The following FCHSD2 variants were observed in gnomAD, a reference collection of about 807,000 sequenced individuals.
FCHSD2 encodes the protein FCH and double SH3 domains 2.
A neutral mutation model predicts 108.1 loss-of-function variants in FCHSD2; 38 were observed. The observed-to-expected ratio is 0.35, with a 90% CI of 0.27 to 0.46. The LOEUF (loss-of-function observed/expected upper bound fraction) is 0.46, where lower values mean the gene tolerates loss of function less well. Ranked by LOEUF, FCHSD2 falls within the 20% of genes least tolerant of loss-of-function variation. The pLI, the probability that FCHSD2 is intolerant of heterozygous loss-of-function variation, is 1.00. For synonymous variants in FCHSD2, 279 were observed against 314.7 expected (o/e 0.89, Z 1.20); for missense variants, 751 against 897.8 (o/e 0.84, Z 2.09).
chr11:72,865,500 A>G (rs1321137723), intron 13 of FCHSD2, among the ~76,000 whole-genome samples: 1 of 152,134 alleles, frequency 6.6e-6, no homozygotes, highest in Admixed American at 6.5e-5. Context: ...TAGAGGAGTG[A>G]TTTCTCTGGA....
At chr11:72,952,078 C>T (rs569239313) in intron 8 of FCHSD2, among the ~76,000 whole-genome samples, 66 of 152,176 alleles carry the variant, frequency 4.3e-4, no homozygotes, top group Admixed American at 1.2e-3. Flanking sequence ...TATGTCTTAC[C>T]AAATGAAGAC....
intron 2 of FCHSD2, among the ~76,000 whole-genome samples, chr11:73,132,619 T>C (rs1042313905): frequency 3.9e-5 from 6 of 152,046 alleles, no homozygotes; most frequent in African/African-American, 1.2e-4. Context: ...GCCCAGGAGT[T>C]TGAGACCAGC....
At chr11:73,102,885 T>G (rs753369782) in intron 2 of FCHSD2, among the ~76,000 whole-genome samples, 3 of 152,244 alleles carry the variant, frequency 2.0e-5, no homozygotes, top group South Asian at 2.1e-4. Flanking sequence ...TAAGACATAC[T>G]CTTATTAAGA....
intron 5 of FCHSD2, among the ~76,000 whole-genome samples, chr11:72,999,646 G>A (rs1309472384): frequency 6.6e-6 from 1 of 152,092 alleles, no homozygotes; most frequent in Non-Finnish European, 1.5e-5. Context: ...GCCCAGGAAT[G>A]TCAGTTAAAT....
intron 13 of FCHSD2, among the ~76,000 whole-genome samples, chr11:72,862,528 A>G (rs1854622342): frequency 6.6e-6 from 1 of 152,248 alleles, no homozygotes; most frequent in Non-Finnish European, 1.5e-5. Flanking sequence ...CTGACAAAGG[A>G]TATGCAAGAT....
chr11:72,910,345 G>C (rs901774546), intron 9 of FCHSD2, among the ~76,000 whole-genome samples: 27 of 152,228 alleles, frequency 1.8e-4, no homozygotes, highest in African/African-American at 6.5e-4. Flanking sequence ...AGCGACCATC[G>C]AGAACGGGCC....
intron 8 of FCHSD2, among the ~76,000 whole-genome samples, chr11:72,927,032 T>C (rs899799198): frequency 2.6e-5 from 4 of 152,330 alleles, no homozygotes; most frequent in African/African-American, 9.6e-5. Context: ...AATCCCTACT[T>C]AATAGTAATA....
intron 8 of FCHSD2, among the ~76,000 whole-genome samples, chr11:72,926,990 C>T (rs927299664): frequency 6.6e-6 from 1 of 152,200 alleles, no homozygotes; most frequent in Non-Finnish European, 1.5e-5. Flanking sequence ...TTACTTCCAA[C>T]AGGGATTTGA....
chr11:72,855,529 T>C (rs1861406490), intron 13 of FCHSD2, among the ~76,000 whole-genome samples: 1 of 152,078 alleles, frequency 6.6e-6, no homozygotes, highest in Non-Finnish European at 1.5e-5. Flanking sequence ...TCCACAATGA[T>C]GTGAATGTAC....
intron 2 of FCHSD2, among the ~76,000 whole-genome samples, chr11:73,119,032 T>C (rs1485511429): frequency 6.6e-6 from 1 of 152,194 alleles, no homozygotes; most frequent in Non-Finnish European, 1.5e-5. Flanking sequence ...CCAGGCGCGG[T>C]GACTCACGTC....
At chr11:72,878,123 A>T (rs1287068058) in intron 12 of FCHSD2, among the ~76,000 whole-genome samples, 1 of 151,712 alleles carries the variant, frequency 6.6e-6, no homozygotes, top group Admixed American at 6.6e-5. Context: ...AGTTCAATAA[A>T]ATCCCTCTGG....
intron 3 of FCHSD2, among the ~76,000 whole-genome samples, chr11:73,066,118 C>A (rs1859286135): frequency 6.6e-6 from 1 of 152,048 alleles, no homozygotes; most frequent in South Asian, 2.1e-4. Flanking sequence ...CTACAGTAAC[C>A]AAAACAGCAT....
chr11:73,129,892 T>C (rs1461067812), intron 2 of FCHSD2, among the ~76,000 whole-genome samples: 1 of 138,998 alleles, frequency 7.2e-6, no homozygotes, highest in Non-Finnish European at 1.6e-5. Context: ...TTTTTTTTTT[T>C]GAGACAGAGT....
Position 73,140,139 on chromosome 11 carries a change from C to T in FCHSD2, c.22-11G>A, listed in dbSNP as rs1280126110. 14 of 1,449,914 alleles carry T rather than the reference C, an allele frequency of 9.7e-6. No homozygotes were observed. The South Asian group carries it at 1.6e-4, about 16-fold the overall frequency. The allele number at this position is 1,449,914 out of a possible 1,614,324, so 89.8% of individuals were successfully genotyped here. A position where few individuals can be genotyped will look rare whatever the true frequency, so the allele number is the denominator to read the frequency against. On this transcript the variant is annotated splice_polypyrimidine_tract_variant and intron_variant, in intron 1 of 19. Coordinates refer to ENST00000409418, the MANE Select transcript of FCHSD2 (RefSeq NM_014824.3). ...TTGTGTAACTTTCACCTAAAATATA[C>T]CATATATTTATGAAGGTCTTTTTAC...
At chr11:72,985,792 T>C (rs574685759) in intron 6 of FCHSD2, among the ~76,000 whole-genome samples, 1 of 152,254 alleles carries the variant, frequency 6.6e-6, no homozygotes, top group South Asian at 2.1e-4. Context: ...CAATAGGTAG[T>C]ACAAACATGT....
chr11:73,141,471 G>A (rs1591589673), intron 1 of FCHSD2: 1 of 242,028 alleles, frequency 4.1e-6, no homozygotes, highest in East Asian at 1.0e-4. Flanking sequence ...GCTCAAAGCT[G>A]GTGCAGACTA....
At position 73,141,842 on chromosome 11, in the gene FCHSD2, C is replaced by T. The variant is rs1016598588; in HGVS notation, c.21+15G>A. 9.2e-5 allele frequency: 142 copies of T among 1,543,832 alleles called. No homozygotes were observed. Among genetic ancestry groups the T allele is most frequent in the Non-Finnish European group, 1.1e-4 (131 of 1,145,790 alleles). On this transcript the variant is annotated intron_variant, in intron 1 of 19. Transcript: ENST00000409418. ...CATCTCTCCGAACCCCAAAGCCCCC[C>T]AGCTGCGCCCTTACCTTCCTCGGCG...
At chr11:73,030,868 T>A (rs190079731) in intron 3 of FCHSD2, among the ~76,000 whole-genome samples, 11 of 152,262 alleles carry the variant, frequency 7.2e-5, no homozygotes, top group African/African-American at 2.2e-4. Context: ...AAATCCTGAA[T>A]ACAATATTAT....
intron 8 of FCHSD2, among the ~76,000 whole-genome samples, chr11:72,963,722 G>A (rs976008350): frequency 3.9e-5 from 6 of 152,204 alleles, no homozygotes; most frequent in African/African-American, 4.8e-5. Context: ...CTTCACATGC[G>A]CAGTTCACAA....
Sources: gnomAD v4.1 joint callset for allele counts (sites outside exome capture counted in the v4.1 genomes callset) on GRCh38, gnomAD v4.1.1 for gene constraint, MANE v1.5 for transcripts, NCBI Gene and HGNC (gene_info 2026-07-23, HGNC 2026-07-21) for gene names.